Variants in UST observed in about 807,000 individuals in gnomAD.
The protein encoded by UST is uronyl 2-sulfotransferase, also known as chondroitin sulfate 2-O-sulfotransferase.
A neutral mutation model predicts 45.6 loss-of-function variants in UST; 21 were observed. The ratio of observed to expected loss-of-function variants is 0.46; its 90% confidence interval spans 0.33 to 0.66. The LOEUF is 0.66. UST is among the 30% of genes least tolerant of loss of function. UST has a pLI of 0.02. For missense variants in UST, 463 were observed against 512.4 expected (o/e 0.90, Z 0.93); for synonymous variants, 215 against 200.6 (o/e 1.07, Z -0.61).
At chr6:148,990,926 C>G (rs1781338058) in intron 5 of UST, among the ~76,000 whole-genome samples, 1 of 152,176 alleles carries the variant, frequency 6.6e-6, no homozygotes, top group Non-Finnish European at 1.5e-5. Context: ...AAAATATTGG[C>G]TAAGCGTCTC....
At chr6:148,948,755 C>T (rs529148960) in intron 3 of UST, among the ~76,000 whole-genome samples, 2 of 152,168 alleles carry the variant, frequency 1.3e-5, no homozygotes, top group East Asian at 3.9e-4. Context: ...ATTCCATAAA[C>T]CTTCTTTGTT....
In UST at chr6:149,007,685, A is replaced by G. The variant is rs1183684405; in HGVS notation, c.682-11454A>G. Among the ~76,000 whole-genome samples, 3 of 151,754 alleles carry G rather than the reference A, an allele frequency of 2.0e-5. No individual in the cohort carries two copies. In the South Asian group the frequency reaches 6.3e-4, roughly 32 times the overall value. ...GTGATCCACCTGCCTCGGCCTCCCA[A>G]AATGCTGGGATTACAGGCGTGAGCC... On this transcript the variant is annotated intron_variant, in intron 5 of 7. Transcript: ENST00000367463.
At chr6:148,890,118 G>A in intron 2 of UST, among the ~76,000 whole-genome samples, 1 of 152,162 alleles carries the variant, frequency 6.6e-6, no homozygotes, top group South Asian at 2.1e-4. Context: ...TGGGATTGGA[G>A]CAGCAAAATA....
At chr6:148,835,389 T>C (rs906940941) in intron 1 of UST, among the ~76,000 whole-genome samples, 3 of 152,132 alleles carry the variant, frequency 2.0e-5, no homozygotes, top group Non-Finnish European at 2.9e-5. Context: ...ATGACTGACA[T>C]AGAAGGTGGT....
intron 2 of UST, among the ~76,000 whole-genome samples, chr6:148,931,734 A>G (rs1270946229): frequency 2.6e-5 from 4 of 152,248 alleles, no homozygotes; most frequent in Non-Finnish European, 4.4e-5. Context: ...GGGTACATCC[A>G]CATGCATAAC....
intron 5 of UST, among the ~76,000 whole-genome samples, chr6:148,993,818 T>C (rs1454972036): frequency 6.6e-6 from 1 of 152,186 alleles, no homozygotes; most frequent in East Asian, 1.9e-4. Flanking sequence ...CTTCACCTTC[T>C]GCCATGATTG....
chr6:148,798,879 T>G (rs1332135444), intron 1 of UST, among the ~76,000 whole-genome samples: 1 of 151,884 alleles, frequency 6.6e-6, no homozygotes, highest in African/African-American at 2.4e-5. Flanking sequence ...TTTATTTATT[T>G]ATTTATTTGA....
intron 3 of UST, among the ~76,000 whole-genome samples, chr6:148,947,567 A>G (rs1430609552): frequency 6.6e-6 from 1 of 152,236 alleles, no homozygotes; most frequent in Non-Finnish European, 1.5e-5. Context: ...TTACTACGCT[A>G]GGAAAATCCC....
chr6:148,885,617 A>G (rs1053143105), intron 1 of UST, among the ~76,000 whole-genome samples: 3 of 152,182 alleles, frequency 2.0e-5, no homozygotes, highest in East Asian at 1.9e-4. Context: ...ACTATATACA[A>G]ATGGCCACTG....
intron 7 of UST, among the ~76,000 whole-genome samples, chr6:149,050,713 G>A (rs2115036324): frequency 6.6e-6 from 1 of 152,224 alleles, no homozygotes; most frequent in East Asian, 1.9e-4. Flanking sequence ...ATACATATTA[G>A]CCAAAACCAT....
At chr6:148,878,468 G>C (rs1191125856) in intron 1 of UST, among the ~76,000 whole-genome samples, 1 of 132,598 alleles carries the variant, frequency 7.5e-6, no homozygotes, top group Non-Finnish European at 1.6e-5. Context: ...TGTCGTGTAT[G>C]AGTGTGGGTA....
At chr6:148,927,160 A>G (rs1455238421) in intron 2 of UST, among the ~76,000 whole-genome samples, 1 of 151,948 alleles carries the variant, frequency 6.6e-6, no homozygotes. Flanking sequence ...GAACAAAACA[A>G]AGAGAGAGTG....
chr6:148,794,450 G>T (rs1776910353), intron 1 of UST, among the ~76,000 whole-genome samples: 1 of 152,180 alleles, frequency 6.6e-6, no homozygotes, highest in Non-Finnish European at 1.5e-5. Flanking sequence ...AGTAAAAAAT[G>T]CTAGAGTGGT....
At chr6:148,903,706 C>CTGAGTT (rs1779304169) in intron 2 of UST, among the ~76,000 whole-genome samples, 1 of 152,108 alleles carries the variant, frequency 6.6e-6, no homozygotes. Flanking sequence ...TCAGAAAAAT[C>CTGAGTT]TGAGTTTGCA....
At chr6:149,021,008 G>C (rs1775970298) in intron 6 of UST, among the ~76,000 whole-genome samples, 1 of 152,176 alleles carries the variant, frequency 6.6e-6, no homozygotes, top group Non-Finnish European at 1.5e-5. Flanking sequence ...CCCTTGATTA[G>C]TATTTGTTAG....
intron 2 of UST, among the ~76,000 whole-genome samples, chr6:148,914,104 A>G (rs1372116827): frequency 6.6e-6 from 1 of 152,210 alleles, no homozygotes; most frequent in Non-Finnish European, 1.5e-5. Flanking sequence ...AACTATGGGA[A>G]ATAAGTTTTC....
chr6:148,871,949 T>C (rs981323926), intron 1 of UST, among the ~76,000 whole-genome samples: 1 of 152,226 alleles, frequency 6.6e-6, no homozygotes, highest in Non-Finnish European at 1.5e-5. Flanking sequence ...CTTAGCTGAA[T>C]TACTTAACCT....
intron 1 of UST, among the ~76,000 whole-genome samples, chr6:148,866,905 C>G (rs200602272): frequency 7.0e-6 from 1 of 142,476 alleles, no homozygotes; most frequent in African/African-American, 2.6e-5. Flanking sequence ...TTTTTTTTTT[C>G]TTTAGGTTTG....
chr6:148,941,841 T>C (rs937373736), intron 3 of UST, among the ~76,000 whole-genome samples: 2 of 152,162 alleles, frequency 1.3e-5, no homozygotes, highest in African/African-American at 2.4e-5. Flanking sequence ...TATGGTTGTA[T>C]TGGTTGATGG....
Sources: allele counts gnomAD v4.1 joint callset (sites outside exome capture counted in the v4.1 genomes callset), GRCh38; gene constraint gnomAD v4.1.1; transcripts MANE v1.5; gene names NCBI Gene and HGNC (gene_info 2026-07-23, HGNC 2026-07-21).